Variants in SDHAF3 observed in about 807,000 individuals in gnomAD.
SDHAF3 encodes succinate dehydrogenase complex assembly factor 3.
In SDHAF3, 18 loss-of-function variants were observed where a neutral mutation model predicts 11.5. That is an observed-to-expected ratio of 1.56 (90% CI 1.08 to 2.32). SDHAF3 has a LOEUF of 2.32. Among genes scored for constraint, SDHAF3 ranks in the 30% most tolerant of loss-of-function variants. The pLI, the probability that SDHAF3 is intolerant of heterozygous loss-of-function variation, is 0.00. For synonymous variants in SDHAF3, 72 were observed against 59.3 expected (o/e 1.21, Z -0.99); for missense variants, 200 against 154.4 (o/e 1.30, Z -1.57).
At chr7:97,146,317 T>A (rs1263331373) in intron 1 of SDHAF3, among the ~76,000 whole-genome samples, 1 of 152,208 alleles carries the variant, frequency 6.6e-6, no homozygotes, top group African/African-American at 2.4e-5. Context: ...TAAAATCACA[T>A]CATACACACA....
chr7:97,144,501 G>A (rs1789105759), intron 1 of SDHAF3, among the ~76,000 whole-genome samples: 1 of 152,206 alleles, frequency 6.6e-6, no homozygotes, highest in Non-Finnish European at 1.5e-5. Context: ...TTAGGCAAGA[G>A]ATGAGGATCC....
At chr7:97,156,495 A>G (rs1426302923) in intron 1 of SDHAF3, among the ~76,000 whole-genome samples, 2 of 152,174 alleles carry the variant, frequency 1.3e-5, no homozygotes, top group African/African-American at 4.8e-5. Flanking sequence ...AACATTCTTT[A>G]TGGGCATCTT....
chr7:97,140,041 CTG>C (rs536361235), intron 1 of SDHAF3, among the ~76,000 whole-genome samples: 16 of 152,256 alleles, frequency 1.1e-4, no homozygotes, highest in South Asian at 6.2e-4. Flanking sequence ...ACATTAAAAA[CTG>C]TGCAAAATCT....
At chr7:97,164,811 G>C (rs1271148254) in intron 1 of SDHAF3, among the ~76,000 whole-genome samples, 1 of 152,130 alleles carries the variant, frequency 6.6e-6, no homozygotes, top group Admixed American at 6.5e-5. Flanking sequence ...GGGATGGAGG[G>C]ATGATAGACT....
chr7:97,118,922 G>T (rs1791450572), intron 1 of SDHAF3, among the ~76,000 whole-genome samples: 1 of 152,124 alleles, frequency 6.6e-6, no homozygotes, highest in South Asian at 2.1e-4. Context: ...TGAAAATCAT[G>T]GTGTATTTGA....
intron 1 of SDHAF3, among the ~76,000 whole-genome samples, chr7:97,133,899 A>G (rs1040945582): frequency 2.6e-5 from 4 of 152,308 alleles, no homozygotes; most frequent in South Asian, 2.1e-4. Flanking sequence ...CCTTTAAAAG[A>G]CATTTCATTG....
chr7:97,132,822 A>G (rs962651772), intron 1 of SDHAF3, among the ~76,000 whole-genome samples: 77 of 152,308 alleles, frequency 5.1e-4, no homozygotes, highest in African/African-American at 1.8e-3. Flanking sequence ...CTAGGTAGCT[A>G]TGTGCCACCT....
At chr7:97,127,254 G>A (rs141482191) in intron 1 of SDHAF3, among the ~76,000 whole-genome samples, 209 of 152,304 alleles carry the variant, frequency 1.4e-3, no homozygotes, top group African/African-American at 4.8e-3. Context: ...TGGCTATCTT[G>A]CCAGATCCAA....
chr7:97,159,244 C>T (rs1418885836), intron 1 of SDHAF3, among the ~76,000 whole-genome samples: 1 of 152,200 alleles, frequency 6.6e-6, no homozygotes, highest in Non-Finnish European at 1.5e-5. Flanking sequence ...GGCAGCTCTC[C>T]TGGGGGTAAT....
chr7:97,134,429 A>G (rs1220429427), intron 1 of SDHAF3, among the ~76,000 whole-genome samples: 2 of 152,218 alleles, frequency 1.3e-5, no homozygotes, highest in Admixed American at 1.3e-4. Flanking sequence ...TAAGACTAAG[A>G]GAAAGATGCA....
At chr7:97,134,936 G>A (rs1791727228) in intron 1 of SDHAF3, 1 of 152,080 alleles carries the variant, frequency 6.6e-6, no homozygotes, top group African/African-American at 2.4e-5. Flanking sequence ...TTCTCAGAGA[G>A]GTGTATTATG....
At chr7:97,126,695 C>T (rs932499787) in intron 1 of SDHAF3, among the ~76,000 whole-genome samples, 1 of 152,052 alleles carries the variant, frequency 6.6e-6, no homozygotes, top group Admixed American at 6.5e-5. Context: ...GTGCTGGCAG[C>T]GAGAAATTCA....
chr7:97,117,727 C>A lies in SDHAF3; in HGVS notation c.4C>A (p.Pro2Thr), dbSNP rs753447011. The A allele has an allele frequency of 1.9e-6, 3 of 1,611,650 alleles. No individual in the cohort carries two copies. The highest frequency in any genetic ancestry group is 1.1e-5 in the South Asian group (1 of 91,002). ...TCGGCGGTCGGCGTGGGGCGCTATGCCGGGGCGGCACGTTTCTCGAGTCCG... is the reference window on the plus strand; with the variant it reads ...TCGGCGGTCGGCGTGGGGCGCTATGACGGGGCGGCACGTTTCTCGAGTCCG... M[P>T]GRHVSRVRAL... Residue 2 changes from proline (P) to threonine (T), a missense_variant, in exon 1 of 2, where the codon CCG becomes ACG. Pro to Thr is a conservative substitution (Grantham distance 38, BLOSUM62 -1). Transcript: ENST00000432641.
chr7:97,129,359 G>A (rs12056091), intron 1 of SDHAF3, among the ~76,000 whole-genome samples: 53,465 of 151,996 alleles, frequency 0.35, 9,508 homozygotes, highest in East Asian at 0.48. Context: ...ATTCGGAACT[G>A]TGGCCTCCTG....
intron 1 of SDHAF3, among the ~76,000 whole-genome samples, chr7:97,172,743 G>C (rs1306373783): frequency 6.6e-6 from 1 of 152,174 alleles, no homozygotes; most frequent in African/African-American, 2.4e-5. Context: ...TTTTGATGAG[G>C]AAATTACTGT....
Position 97,181,416 on chromosome 7 carries a change from T to TAAAATTCA in SDHAF3, c.*201_*202insAAAATTCA. The TAAAATTCA allele has an allele frequency of 2.2e-6, 1 of 461,664 alleles. No homozygotes were observed. The highest frequency in any genetic ancestry group is 3.8e-6 in the Non-Finnish European group (1 of 264,380). The allele number at this position is 461,664 out of a possible 1,614,324, so 28.6% of individuals were successfully genotyped here. ...AACTATTGGAATAATAGCACTTGTA[T>TAAAATTCA]GAAATTCAGTTTTGGAACTAAACAG... On this transcript the variant is annotated 3_prime_UTR_variant, in exon 2 of 2. Coordinates refer to ENST00000432641, the MANE Select transcript of SDHAF3 (RefSeq NM_020186.3).
At chr7:97,121,566 T>C (rs563183286) in intron 1 of SDHAF3, among the ~76,000 whole-genome samples, 2 of 152,316 alleles carry the variant, frequency 1.3e-5, no homozygotes, top group South Asian at 4.1e-4. Flanking sequence ...TTCCAGACAA[T>C]GTGCTAGGCA....
chr7:97,135,680 ATATTTTTT>A (rs1305276009), intron 1 of SDHAF3: 1 of 85,804 alleles, frequency 1.2e-5, no homozygotes, highest in Non-Finnish European at 2.2e-5. Context: ...ATATATATAT[ATATTTTTT>A]TTTTTTTTTT....
intron 1 of SDHAF3, among the ~76,000 whole-genome samples, chr7:97,150,513 C>T (rs1212210524): frequency 1.3e-5 from 2 of 151,524 alleles, no homozygotes; most frequent in African/African-American, 4.9e-5. Context: ...TTTGGGTGAC[C>T]AGGTGCATTG....
Sources: allele counts gnomAD v4.1 joint callset (sites outside exome capture counted in the v4.1 genomes callset), GRCh38; gene constraint gnomAD v4.1.1; transcripts MANE v1.5; gene names NCBI Gene and HGNC (gene_info 2026-07-23, HGNC 2026-07-21).